RBP5: variants seen among roughly 807,000 people sequenced by gnomAD.
The protein encoded by RBP5 is retinol binding protein 5.
Under a neutral mutation model 17.8 loss-of-function variants are expected in RBP5, and 12 were observed. The observed-to-expected ratio is 0.67, with a 90% confidence interval of 0.43 to 1.09. The LOEUF (loss-of-function observed/expected upper bound fraction) is 1.09. Among genes scored for constraint, RBP5 ranks in the 50% least tolerant of loss-of-function variants. The pLI, the probability that RBP5 is intolerant of heterozygous loss-of-function variation, is 0.00. For synonymous variants in RBP5, 64 were observed against 68.1 expected, an observed-to-expected ratio of 0.94 and a Z score of 0.30; for missense variants, 172 against 169.4, an observed-to-expected ratio of 1.02 and a Z score of -0.09.
downstream of RBP5, chr12:7,120,543 G>C (rs1939066909): frequency 6.4e-6 from 1 of 155,730 alleles, no homozygotes; most frequent in Admixed American, 6.5e-5. Context: ...CTCACCTCTT[G>C]CCCTTCACCT....
At position 7,124,287 on chromosome 12, in the gene RBP5, T is replaced by A; in HGVS notation, c.355-113A>T. On this transcript the variant is annotated intron_variant, in intron 3 of 3. Transcript: ENST00000266560. This position sits in a 1 kb window ranked among gnomAD's most constrained non-coding sequence, Gnocchi z 5.3. ...CTCCTTCCGGATACAGCAGCTTGAG[T>A]GTTTGATGTATGGGCAATTGTATCA... 1 of 907,590 alleles carries A rather than the reference T, an allele frequency of 1.1e-6. No homozygotes were observed. The highest frequency in any genetic ancestry group is 1.4e-5 in the South Asian group (1 of 71,970). 56.2% of individuals were successfully genotyped at this position (907,590 alleles called of 1,614,324 possible). A position where few individuals can be genotyped will look rare whatever the true frequency, so the allele number is the denominator to read the frequency against.
At chr12:7,129,623 A>AT, upstream of RBP5, 1 of 985,450 alleles carries the variant, frequency 1.0e-6, no homozygotes, top group Non-Finnish European at 1.2e-6. This position sits in a 1 kb window ranked among gnomAD's most constrained non-coding sequence, Gnocchi z 5.5. Flanking sequence ...AGGACAGCCC[A>AT]TGCTTTCCAG....
upstream of RBP5, chr12:7,129,837 C>T: frequency 1.0e-6 from 1 of 984,752 alleles, no homozygotes; most frequent in Non-Finnish European, 1.2e-6. The surrounding 1 kb of genome is among the most constrained non-coding windows in gnomAD (Gnocchi z 5.5). Context: ...GGTGCGTGCG[C>T]GAGGGGTGCA....
chr12:7,116,928 G>A (rs190477402), exon 4 of RBP5: 12 of 152,226 alleles, frequency 7.9e-5, no homozygotes, highest in African/African-American at 2.2e-4. Flanking sequence ...CCCACATTTT[G>A]TTTAAAACAG....
downstream of RBP5, among the ~76,000 whole-genome samples, chr12:7,122,039 G>A (rs1939088333): frequency 6.6e-6 from 1 of 152,146 alleles, no homozygotes; most frequent in African/African-American, 2.4e-5. Flanking sequence ...ATTTGAATGA[G>A]GGGTAATGGT....
chr12:7,123,760 T>G lies in RBP5; in HGVS notation c.*361A>C, dbSNP rs1221760403. 9 of 201,472 alleles carry G rather than the reference T, an allele frequency of 4.5e-5. No homozygotes were observed. The highest frequency in any genetic ancestry group is 9.0e-5 in the Non-Finnish European group (9 of 99,476). 12.5% of individuals were successfully genotyped at this position (201,472 alleles called of 1,614,324 possible). A position where few individuals can be genotyped will look rare whatever the true frequency, so the allele number is the denominator to read the frequency against. On this transcript the variant is annotated 3_prime_UTR_variant, in exon 4 of 4. Transcript: ENST00000266560. ...AAGTCCATCAGGATAGAATTTTCAC[T>G]AATCGCCAAATGCCCAAAGCTTAGT...
chr12:7,128,405 A>C lies in RBP5; in HGVS notation c.87T>G (p.Ala29=). The C allele has an allele frequency of 6.2e-7, 1 of 1,614,168 alleles. No individual in the cohort carries two copies. Among genetic ancestry groups the C allele is most frequent in the Non-Finnish European group, 8.5e-7 (1 of 1,180,000 alleles). The change falls in exon 2 of 4, where the codon GCT becomes GCG. Residue 29 remains alanine, a synonymous_variant. Coordinates refer to ENST00000266560, the MANE Select transcript of RBP5 (RefSeq NM_031491.4). The surrounding 1 kb of genome is among the most constrained non-coding windows in gnomAD (Gnocchi z 5.3). ...TCAGCAGCAGCGCGATCTTCCGCAC[A>C]GCCAAGCTGATGTCTGTGGGGGCTG... ...DYLQALNISL[A]VRKIALLLKP...
chr12:7,118,296 C>T lies in RBP5; in HGVS notation n.890-989G>A, dbSNP rs192004903. On this transcript the variant is annotated intron_variant and non_coding_transcript_variant, in intron 3 of 3. Coordinates refer to the RBP5 transcript ENST00000619522. ...GTCAAGGATATGAGCGAGCCTCTTC[C>T]GAAAACAGCCGGGAAGGGAGAGGAA... 770 of 152,318 alleles carry T rather than the reference C, an allele frequency of 5.1e-3. 2 individuals carry two copies. The highest frequency in any genetic ancestry group is 0.015 in the South Asian group (71 of 4,820). The allele number at this position is 152,318 out of a possible 1,614,324, so 9.4% of individuals were successfully genotyped here.
chr12:7,129,188 G>T (rs945393241), upstream of RBP5: 1 of 272,474 alleles, frequency 3.7e-6, no homozygotes, highest in Non-Finnish European at 7.4e-6. The surrounding 1 kb of genome is among the most constrained non-coding windows in gnomAD (Gnocchi z 5.5). Flanking sequence ...CTTGGGAACC[G>T]TCCCAGGGCC....
At chr12:7,121,497 A>T (rs10845125), downstream of RBP5, among the ~76,000 whole-genome samples, 64,367 of 151,976 alleles carry the variant, frequency 0.42, 14,064 homozygotes, top group East Asian at 0.74. Flanking sequence ...TGGGAGGTGG[A>T]GGCCGAGGGG....
Position 7,128,149 on chromosome 12 carries a change from G to T in RBP5, c.252+91C>A. 8.3e-7 allele frequency: 1 copy of T among 1,201,046 alleles called. No individual in the cohort carries two copies. The highest frequency in any genetic ancestry group is 1.2e-6 in the Non-Finnish European group (1 of 855,484). The allele number at this position is 1,201,046 out of a possible 1,614,324, so 74.4% of individuals were successfully genotyped here. On this transcript the variant is annotated intron_variant, in intron 2 of 3. Transcript: ENST00000266560. The surrounding 1 kb of genome is among the most constrained non-coding windows in gnomAD (Gnocchi z 5.3). ...CCATTCCCCTCCTCCCCGCTGCTCT[G>T]GCTGGGGAAGGTCACTTTGTTTTGC...
chr12:7,128,754 A>C lies in RBP5; in HGVS notation c.22T>G (p.Tyr8Asp). The change falls in exon 1 of 4, where the codon TAC becomes GAC. Residue 8 changes from tyrosine (Y) to aspartate (D), a missense_variant. Tyr to Asp is a radical substitution (Grantham distance 160, BLOSUM62 -3). Coordinates refer to ENST00000266560, the MANE Select transcript of RBP5 (RefSeq NM_031491.4). This position sits in a 1 kb window ranked among gnomAD's most constrained non-coding sequence, Gnocchi z 5.3. MPPNLTG[Y>D]YRFVSQKNME... ...TTCTTCTGCGAGACAAAGCGGTAGTAGCCAGTGAGGTTGGGAGGCATTGTG... is the reference window on the plus strand; with the variant it reads ...TTCTTCTGCGAGACAAAGCGGTAGTCGCCAGTGAGGTTGGGAGGCATTGTG... 1 of 1,605,190 alleles carries C rather than the reference A, an allele frequency of 6.2e-7. No homozygotes were observed. The highest frequency in any genetic ancestry group is 1.1e-5 in the South Asian group (1 of 89,216).
downstream of RBP5, among the ~76,000 whole-genome samples, chr12:7,120,227 G>A (rs1338360871): frequency 1.3e-5 from 2 of 152,054 alleles, no homozygotes; most frequent in Non-Finnish European, 2.9e-5. Context: ...AGGTGAGTGT[G>A]GAAGGTCAGC....
At chr12:7,120,336 G>A (rs1179210758), downstream of RBP5, among the ~76,000 whole-genome samples, 10 of 152,136 alleles carry the variant, frequency 6.6e-5, no homozygotes, top group Non-Finnish European at 1.5e-5. Context: ...TGTTGGCTGA[G>A]GTCTGGGGAG....
chr12:7,116,383 G>C (rs1210178303), exon 4 of RBP5: 2 of 152,278 alleles, frequency 1.3e-5, no homozygotes, highest in Non-Finnish European at 2.9e-5. Context: ...TTGTCAATCA[G>C]CTTCCTACCA....
downstream of RBP5, among the ~76,000 whole-genome samples, chr12:7,120,283 A>G (rs142546158): frequency 2.7e-3 from 412 of 152,208 alleles, 6 homozygotes; most frequent in East Asian, 0.022. Context: ...GTAGGGGTGC[A>G]TATTCAGCAT....
rs757311148 is a variant in RBP5 at position 7,124,091 on chromosome 12, C to T, written c.*30G>A. On this transcript the variant is annotated 3_prime_UTR_variant, in exon 4 of 4. Coordinates refer to ENST00000266560, the MANE Select transcript of RBP5 (RefSeq NM_031491.4). This position sits in a 1 kb window ranked among gnomAD's most constrained non-coding sequence, Gnocchi z 5.3. The stretch of plus-strand genomic sequence containing the variant: ...CAACAAGAGCGTCTGTGAGCTGGTG[C>T]TGTCTGGAGGGATCTTGGCTCCTCT... 16 of 1,607,728 alleles carry T rather than the reference C, an allele frequency of 1.0e-5. No homozygotes were observed. Among genetic ancestry groups the T allele is most frequent in the East Asian group, 4.5e-5 (2 of 44,818 alleles).
upstream of RBP5, chr12:7,129,523 G>A (rs2135788587): frequency 1.3e-6 from 1 of 760,996 alleles, no homozygotes; most frequent in Non-Finnish European, 1.6e-6. The surrounding 1 kb of genome is among the most constrained non-coding windows in gnomAD (Gnocchi z 5.5). Context: ...TGGCTATTCT[G>A]GAGAATTTTA....
At chr12:7,120,073 C>T (rs1939058623), downstream of RBP5, among the ~76,000 whole-genome samples, 2 of 152,030 alleles carry the variant, frequency 1.3e-5, no homozygotes, top group Non-Finnish European at 2.9e-5. Context: ...GCCTCCTCTC[C>T]CTGGTGGCCA....
Sources: allele counts gnomAD v4.1 joint callset (sites outside exome capture counted in the v4.1 genomes callset), GRCh38; gene constraint gnomAD v4.1.1; non-coding constraint Gnocchi (gnomAD v3.1); transcripts MANE v1.5; gene names NCBI Gene and HGNC (gene_info 2026-07-23, HGNC 2026-07-21).